The following TPO variants were observed in gnomAD, a reference collection of about 807,000 sequenced individuals.
The protein encoded by TPO is thyroid microsomal antigen.
In TPO, 78 loss-of-function variants were observed where a neutral mutation model predicts 96.9. The observed-to-expected ratio is 0.81, with a 90% CI of 0.67 to 0.97. TPO has a LOEUF of 0.97. TPO is among the 50% of genes least tolerant of loss of function. The probability of loss-of-function intolerance (pLI) is 0.00; values close to 1 mark genes in which losing one functional copy is unlikely to be tolerated. For synonymous variants in TPO, 547 were observed against 538.0 expected (o/e 1.02, Z -0.23); for missense variants, 1,252 against 1,274.8 (o/e 0.98, Z 0.27).
intron 15 of TPO, among the ~76,000 whole-genome samples, chr2:1,532,227 C>T (rs1475299156): frequency 3.8e-5 from 2 of 52,846 alleles, no homozygotes; most frequent in African/African-American, 1.4e-4. Context: ...CTCCTCAAAT[C>T]CCCCCACTGC....
chr2:1,456,083 A>G lies in TPO; in HGVS notation c.620A>G (p.Glu207Gly), dbSNP rs1270739435. 6.2e-7 allele frequency: 1 copy of G among 1,613,776 alleles called. No homozygotes were observed. The highest frequency in any genetic ancestry group is 2.2e-5 in the East Asian group (1 of 44,862). ...TGGTCTCTTCCTACCCAGGTCCGGG[A>G]GGTGACAAGACATGTCATTCAAGTT... Reference protein sequence around the residue: ...YNGFPLPPVREVTRHVIQVSN... With the variant: ...YNGFPLPPVRGVTRHVIQVSN... The change falls in exon 7 of 17, where the codon GAG (glutamate) becomes GGG (glycine). Residue 207 changes from glutamate to glycine, a missense_variant. Physicochemically the swap from Glu to Gly is moderately conservative, Grantham distance 98 (BLOSUM62 -2). Transcript: ENST00000329066.
chr2:1,496,499 C>T (rs1345034454), intron 12 of TPO, 96 bp from the exon 13 acceptor site: 54 of 1,552,508 alleles, frequency 3.5e-5, no homozygotes, highest in Non-Finnish European at 4.6e-5. Flanking sequence ...TGGCACCAGC[C>T]CCTCCAGGGC....
chr2:1,471,038 T>C (rs1222386566), intron 7 of TPO, among the ~76,000 whole-genome samples: 2 of 152,210 alleles, frequency 1.3e-5, no homozygotes, highest in African/African-American at 2.4e-5. Flanking sequence ...ATAAGCAGAG[T>C]TGTGCTACAG....
chr2:1,467,846 T>C (rs1015212385), intron 7 of TPO, among the ~76,000 whole-genome samples: 2 of 151,390 alleles, frequency 1.3e-5, no homozygotes, highest in African/African-American at 4.9e-5. Flanking sequence ...CTGTTAGTAA[T>C]TGTTTTATAA....
Position 1,524,931 on chromosome 2 carries a change from C to A in TPO, c.2618+7949C>A, listed in dbSNP as rs549095468. The stretch of plus-strand genomic sequence containing the variant: ...CTCAAATCTCCCCCGCTGTGTGCAA[C>A]CTCCTCAAATCCCGACTCTGTGCAA... On this transcript the variant is annotated intron_variant, in intron 15 of 16. Coordinates refer to ENST00000329066, the MANE Select transcript of TPO (RefSeq NM_001206744.2). 1.0e-3 allele frequency among the ~76,000 whole-genome samples: 134 copies of A among 131,856 alleles called. 6 individuals carry two copies. The highest frequency in any genetic ancestry group is 1.6e-3 in the Non-Finnish European group (98 of 60,866). The allele number at this position is 131,856 out of a possible 152,430, so 86.5% of individuals were successfully genotyped here.
chr2:1,512,583 C>T (rs768005389), intron 14 of TPO: 8 of 696,002 alleles, frequency 1.1e-5, no homozygotes, highest in East Asian at 1.3e-4. Context: ...CAGGGTCCGC[C>T]GCAGAACACG....
chr2:1,502,494 A>G (rs1160105885), intron 13 of TPO, among the ~76,000 whole-genome samples: 1 of 152,044 alleles, frequency 6.6e-6, no homozygotes, highest in Non-Finnish European at 1.5e-5. Flanking sequence ...AGCTCAAGTG[A>G]TTCTCCTGCC....
intron 13 of TPO, among the ~76,000 whole-genome samples, chr2:1,503,549 TGCCGGCCAGCTGGGA>T (rs1673085789): frequency 6.6e-6 from 1 of 152,150 alleles, no homozygotes; most frequent in Admixed American, 6.5e-5. Context: ...TCAGAGGACC[TGCCGGCCAGCTGGGA>T]GCATCTGCCT....
chr2:1,378,662 G>A (rs1181955885), intron 1 of TPO, among the ~76,000 whole-genome samples: 1 of 152,212 alleles, frequency 6.6e-6, no homozygotes, highest in African/African-American at 2.4e-5. Flanking sequence ...CTCTCCCTGG[G>A]AGGCCCTGTT....
At chr2:1,535,191 C>CT (rs1176473623) in intron 15 of TPO, among the ~76,000 whole-genome samples, 5 of 73,242 alleles carry the variant, frequency 6.8e-5, no homozygotes, top group African/African-American at 2.5e-4. Flanking sequence ...AATCCCGCCA[C>CT]TTGTGCAACC....
intron 14 of TPO, chr2:1,512,261 C>T (rs1178514238): frequency 3.1e-6 from 1 of 324,462 alleles, no homozygotes; most frequent in Non-Finnish European, 4.4e-6. Flanking sequence ...GATGTATTTC[C>T]TACATCTTAA....
intron 1 of TPO, among the ~76,000 whole-genome samples, chr2:1,397,686 TC>T (rs1662103524): frequency 6.6e-6 from 1 of 152,138 alleles, no homozygotes; most frequent in South Asian, 2.1e-4. Flanking sequence ...GTTGTTGCTC[TC>T]CCAGCCTCCA....
At chr2:1,509,940 C>A (rs756937947) in intron 14 of TPO, among the ~76,000 whole-genome samples, 3 of 151,146 alleles carry the variant, frequency 2.0e-5, no homozygotes, top group South Asian at 2.1e-4. Flanking sequence ...TCAGGCACAC[C>A]CCCCCTCTTC....
intron 7 of TPO, among the ~76,000 whole-genome samples, chr2:1,472,833 A>T (rs1669558395): frequency 6.7e-6 from 1 of 148,154 alleles, no homozygotes; most frequent in East Asian, 2.0e-4. Flanking sequence ...GCGGCAAAAA[A>T]AAAAAAAAAA....
intron 15 of TPO, among the ~76,000 whole-genome samples, chr2:1,537,538 C>CAAGTGTG (rs1558441734): frequency 2.8e-5 from 1 of 36,252 alleles, no homozygotes; most frequent in Non-Finnish European, 5.5e-5. Context: ...CCTATCCCCC[C>CAAGTGTG]CAGTGTGCAA....
intron 14 of TPO, among the ~76,000 whole-genome samples, chr2:1,512,114 A>C (rs537569835): frequency 1.3e-5 from 2 of 151,910 alleles, no homozygotes; most frequent in African/African-American, 4.8e-5. Context: ...GCCCACTGCA[A>C]GCTCCACCTC....
At chr2:1,418,301 G>GAT (rs1663144547) in intron 2 of TPO, among the ~76,000 whole-genome samples, 1 of 147,784 alleles carries the variant, frequency 6.8e-6, no homozygotes, top group African/African-American at 2.5e-5. Context: ...AAAAAAAAAA[G>GAT]AGAGAGAGAG....
chr2:1,529,150 ACCTCCCTGAATCCCCCCACTGTGTGCAG>A, intron 15 of TPO, among the ~76,000 whole-genome samples: 1 of 47,212 alleles, frequency 2.1e-5, no homozygotes, highest in African/African-American at 1.1e-4. Context: ...ACTGTGTGCA[ACCTCCCTGAATCCCCCCACTGTGTGCAG>A]CCTCTCCAAA....
At chr2:1,490,904 G>T (rs1159964356) in intron 10 of TPO, among the ~76,000 whole-genome samples, 1 of 152,188 alleles carries the variant, frequency 6.6e-6, no homozygotes, top group Non-Finnish European at 1.5e-5. Flanking sequence ...GGGCACAGTG[G>T]CTCACGCCTG....
Sources: gnomAD v4.1 joint callset for allele counts (sites outside exome capture counted in the v4.1 genomes callset) on GRCh38, gnomAD v4.1.1 for gene constraint, MANE v1.5 for transcripts, NCBI Gene and HGNC (gene_info 2026-07-23, HGNC 2026-07-21) for gene names.